Variants in PDE5A observed in about 807,000 individuals in gnomAD.
PDE5A encodes phosphodiesterase 5A, also known as cGMP-specific 3',5'-cyclic phosphodiesterase.
PDE5A carries 67 observed loss-of-function variants against 110.2 expected under a neutral mutation model. The ratio of observed to expected loss-of-function variants is 0.61; its 90% confidence interval spans 0.50 to 0.75. PDE5A has a LOEUF of 0.75. Ranked by LOEUF, PDE5A falls within the 30% of genes least tolerant of loss-of-function variation. The pLI is 0.00. For missense variants in PDE5A, 862 were observed against 1,045.1 expected, an observed-to-expected ratio of 0.82 and a Z score of 2.42; for synonymous variants, 328 against 351.2, an observed-to-expected ratio of 0.93 and a Z score of 0.74.
chr4:119,583,436 C>T (rs1578798792), intron 3 of PDE5A, among the ~76,000 whole-genome samples: 2 of 152,300 alleles, frequency 1.3e-5, no homozygotes, highest in Middle Eastern at 6.8e-3. Context: ...AACTTTGTAT[C>T]AGCAATAAGG....
At chr4:119,577,063 A>G (rs1462563330) in intron 3 of PDE5A, among the ~76,000 whole-genome samples, 3 of 152,226 alleles carry the variant, frequency 2.0e-5, no homozygotes, top group Non-Finnish European at 2.9e-5. Flanking sequence ...AAACACCTCT[A>G]CGCAAATAAA....
At chr4:119,587,837 TA>T (rs1245040878) in intron 3 of PDE5A, among the ~76,000 whole-genome samples, 37 of 152,164 alleles carry the variant, frequency 2.4e-4, no homozygotes, top group African/African-American at 8.2e-4. Flanking sequence ...AATAAAACTG[TA>T]ACATTTATTT....
Position 119,591,874 on chromosome 4 carries a change from G to A in PDE5A, c.831+4649C>T, listed in dbSNP as rs527627773. Among the ~76,000 whole-genome samples the A allele has an allele frequency of 7.9e-5, 12 of 152,206 alleles. No individual in the cohort carries two copies. In the East Asian group the frequency reaches 9.7e-4, roughly 12 times the overall value. On this transcript the variant is annotated intron_variant, in intron 3 of 20. Coordinates refer to ENST00000354960, the MANE Select transcript of PDE5A (RefSeq NM_001083.4). The stretch of plus-strand genomic sequence containing the variant: ...TGTTTAAAAAGCTGTGTTCTGGGCC[G>A]GGCGCAGTGGCTCACGCCTGTAATC...
intron 13 of PDE5A, 72 bp downstream of exon 13, chr4:119,520,863 G>T: frequency 8.0e-7 from 1 of 1,252,922 alleles, no homozygotes; most frequent in Non-Finnish European, 1.1e-6. Context: ...AAGTGAAATT[G>T]AAAGAATATG....
intron 9 of PDE5A, among the ~76,000 whole-genome samples, chr4:119,545,128 A>T (rs1309166301): frequency 1.3e-5 from 2 of 152,180 alleles, no homozygotes; most frequent in Non-Finnish European, 2.9e-5. Flanking sequence ...TTTAAATAGC[A>T]TTCATGATAA....
At chr4:119,625,372 T>A (rs528207740) in intron 1 of PDE5A, among the ~76,000 whole-genome samples, 65 of 152,188 alleles carry the variant, frequency 4.3e-4, no homozygotes, top group Non-Finnish European at 4.3e-4. Flanking sequence ...TATAATGGCA[T>A]AAATGCTTTC....
chr4:119,539,134 G>C, intron 10 of PDE5A, 115 bp from the exon 11 acceptor site: 1 of 779,690 alleles, frequency 1.3e-6, no homozygotes, highest in Non-Finnish European at 2.2e-6. Flanking sequence ...AGACTCCTCA[G>C]AATGCCAAAT....
chr4:119,535,623 T>C (rs549585384), intron 11 of PDE5A, among the ~76,000 whole-genome samples: 12 of 152,228 alleles, frequency 7.9e-5, no homozygotes, highest in African/African-American at 2.4e-4. Context: ...TTAAAAGATA[T>C]ATGCAAAATG....
At chr4:119,587,745 T>C (rs1225793490) in intron 3 of PDE5A, among the ~76,000 whole-genome samples, 3 of 152,208 alleles carry the variant, frequency 2.0e-5, no homozygotes, top group Non-Finnish European at 4.4e-5. Context: ...TAGATCTAGA[T>C]CAACTGGTAG....
At chr4:119,502,853 G>A (rs1445968753) in intron 18 of PDE5A, among the ~76,000 whole-genome samples, 198 bp from the exon 19 acceptor site, 2 of 151,950 alleles carry the variant, frequency 1.3e-5, no homozygotes, top group African/African-American at 4.8e-5. Flanking sequence ...TTTCACTTAG[G>A]TACATCTCTC....
At chr4:119,562,473 G>T (rs1727775592) in intron 6 of PDE5A, among the ~76,000 whole-genome samples, 1 of 149,122 alleles carries the variant, frequency 6.7e-6, no homozygotes, top group Non-Finnish European at 1.5e-5. Context: ...ATAGCAACTA[G>T]GTCACCAGTA....
chr4:119,539,771 TTCCATTTTCAAAAGCA>T (rs1468701326), intron 10 of PDE5A, among the ~76,000 whole-genome samples: 4 of 152,148 alleles, frequency 2.6e-5, no homozygotes, highest in Non-Finnish European at 5.9e-5. Flanking sequence ...TTAACTTAAT[TTCCATTTTCAAAAGCA>T]ATCATTTCTA....
Position 119,525,750 on chromosome 4 carries a change from T to G in PDE5A, c.1633-55A>C, listed in dbSNP as rs1421712947. The G allele has an allele frequency of 1.3e-6, 2 of 1,536,816 alleles. No homozygotes were observed. The highest frequency in any genetic ancestry group is 1.8e-6 in the Non-Finnish European group (2 of 1,133,350). ...TGCTGTTAATTAAAGCAGCAGTGAT[T>G]TGCAAGGTTTTCTTGTTTTGCTGCA... On this transcript the variant is annotated intron_variant, in intron 11 of 20. Transcript: ENST00000354960. The surrounding 1 kb of genome is among the most constrained non-coding windows in gnomAD (Gnocchi z 4.3).
At chr4:119,564,978 T>C (rs1023296782) in intron 5 of PDE5A, among the ~76,000 whole-genome samples, 1 of 152,112 alleles carries the variant, frequency 6.6e-6, no homozygotes, top group Non-Finnish European at 1.5e-5. Context: ...ATATCTACAG[T>C]TGACAGAGCA....
chr4:119,502,465 A>AAAAT, intron 19 of PDE5A, 116 bp downstream of exon 19: 3 of 615,762 alleles, frequency 4.9e-6, no homozygotes, highest in Non-Finnish European at 8.4e-6. Context: ...AAAGTTTTAA[A>AAAAT]AAATAAAATG....
chr4:119,554,219 T>TA (rs1235355525), intron 7 of PDE5A, among the ~76,000 whole-genome samples: 2 of 152,186 alleles, frequency 1.3e-5, no homozygotes, highest in Non-Finnish European at 2.9e-5. Flanking sequence ...CTCTTCTCTC[T>TA]AGTTAAGTCT....
chr4:119,528,305 A>C, intron 11 of PDE5A, among the ~76,000 whole-genome samples: 1 of 152,130 alleles, frequency 6.6e-6, no homozygotes, highest in Non-Finnish European at 1.5e-5. Flanking sequence ...GGACATGAAA[A>C]GTCACTAAGA....
intron 16 of PDE5A, 21 bp from the exon 17 acceptor site, chr4:119,505,953 T>C (rs200904262): frequency 7.0e-7 from 1 of 1,420,326 alleles, no homozygotes; most frequent in South Asian, 1.3e-5. Context: ...TAAAAAAAAA[T>C]TGTTAGTTAT....
intron 1 of PDE5A, among the ~76,000 whole-genome samples, chr4:119,623,556 A>C (rs771688197): frequency 6.6e-6 from 1 of 152,242 alleles, no homozygotes; most frequent in African/African-American, 2.4e-5. Context: ...CTATAATCAG[A>C]TAAGGGCGAA....
Sources: gnomAD v4.1 joint callset for allele counts (sites outside exome capture counted in the v4.1 genomes callset) on GRCh38, gnomAD v4.1.1 for gene constraint, Gnocchi (gnomAD v3.1) non-coding constraint, MANE v1.5 for transcripts, NCBI Gene and HGNC (gene_info 2026-07-23, HGNC 2026-07-21) for gene names.